Variants in SHROOM3 observed in about 807,000 individuals in gnomAD.
The protein encoded by SHROOM3 is protein Shroom3.
Under a neutral mutation model 138.6 loss-of-function variants are expected in SHROOM3, and 47 were observed. The observed-to-expected ratio is 0.34, with a 90% CI of 0.27 to 0.43. The LOEUF is 0.43. Among genes scored for constraint, SHROOM3 ranks in the 20% least tolerant of loss-of-function variants. SHROOM3 has a pLI of 1.00. For missense variants in SHROOM3, 2,491 were observed against 2,596.5 expected (o/e 0.96, Z 0.88); for synonymous variants, 1,062 against 1,063.3 (o/e 1.00, Z 0.02).
intron 1 of SHROOM3, among the ~76,000 whole-genome samples, chr4:76,526,567 A>C (rs1294172822): frequency 6.6e-6 from 1 of 152,154 alleles, no homozygotes; most frequent in African/African-American, 2.4e-5. Flanking sequence ...AAATAAAAGA[A>C]TGTGGAAGAG....
Position 76,754,344 on chromosome 4 carries a change from G to T in SHROOM3, c.3861G>T (p.Glu1287Asp), listed in dbSNP as rs778599588. ...SLSCSERGQE[E>D]MLPLFHHLTP... ...GTTGTTCAGAAAGAGGCCAAGAAGA[G>T]ATGCTGCCGCTCTTCCACCATCTCA... Residue 1287 changes from glutamate (E) to aspartate (D), a missense_variant, in exon 7 of 11, where the codon GAG becomes GAT. By Grantham distance (45) the Glu-to-Asp change is conservative. Around this residue, in one of 4 missense-constraint regions of SHROOM3, gnomAD observed 1,733 missense variants for 1,661.6 expected, o/e 1.04. Transcript: ENST00000296043. 6.2e-7 allele frequency: 1 copy of T among 1,614,152 alleles called. No homozygotes were observed. Among genetic ancestry groups the T allele is most frequent in the Non-Finnish European group, 8.5e-7 (1 of 1,180,032 alleles).
intron 1 of SHROOM3, among the ~76,000 whole-genome samples, chr4:76,511,097 G>A (rs763315574): frequency 5.9e-5 from 9 of 151,914 alleles, no homozygotes; most frequent in Non-Finnish European, 7.4e-5. Context: ...CAGGAGAATC[G>A]CTTGAACCTG....
intron 1 of SHROOM3, among the ~76,000 whole-genome samples, chr4:76,452,153 C>T (rs1433164439): frequency 2.6e-5 from 4 of 152,156 alleles, no homozygotes; most frequent in Admixed American, 2.6e-4. Context: ...AATAAGTTTA[C>T]TTCAGATATT....
intron 2 of SHROOM3, chr4:76,638,860 T>C (rs1457733634): frequency 1.3e-5 from 2 of 152,180 alleles, no homozygotes; most frequent in African/African-American, 4.8e-5. Context: ...GAATGAGTGC[T>C]ATGCGGATCA....
At position 76,669,688 on chromosome 4, in the gene SHROOM3, T is replaced by A. The variant is rs553565660; in HGVS notation, c.324-40468T>A. Among the ~76,000 whole-genome samples, 645 of 151,810 alleles carry A rather than the reference T, an allele frequency of 4.2e-3. 6 individuals are homozygous for A. Among genetic ancestry groups the A allele is most frequent in the African/African-American group, 0.014 (589 of 41,380 alleles). On this transcript the variant is annotated intron_variant, in intron 2 of 10. Transcript: ENST00000296043. ...TTTTGCTTAAAATTTAAAAAAAAAA[T>A]AATAATTGTTGTGCAAACCAAAACG...
At chr4:76,742,471 C>A (rs1038922630) in intron 5 of SHROOM3, among the ~76,000 whole-genome samples, 26 of 152,136 alleles carry the variant, frequency 1.7e-4, no homozygotes, top group Admixed American at 1.2e-3. Flanking sequence ...CATGATAATC[C>A]TGTGCAGCAG....
chr4:76,707,386 C>G (rs185541225), intron 2 of SHROOM3, among the ~76,000 whole-genome samples: 29 of 152,188 alleles, frequency 1.9e-4, no homozygotes, highest in Non-Finnish European at 4.0e-4. Context: ...GGACTTAAAC[C>G]CTCATTCATT....
chr4:76,456,048 G>A (rs968936615), intron 1 of SHROOM3, among the ~76,000 whole-genome samples: 1 of 152,006 alleles, frequency 6.6e-6, no homozygotes, highest in Non-Finnish European at 1.5e-5. Context: ...CACTCTGTCA[G>A]CAGGCTGGAG....
intron 1 of SHROOM3, among the ~76,000 whole-genome samples, chr4:76,453,535 G>A (rs969287867): frequency 8.6e-5 from 13 of 152,030 alleles, no homozygotes; most frequent in African/African-American, 2.7e-4. Context: ...CCAAAGTGCT[G>A]GGATGAGCCA....
intron 1 of SHROOM3, among the ~76,000 whole-genome samples, chr4:76,458,982 A>C (rs1225947424): frequency 6.6e-6 from 1 of 152,212 alleles, no homozygotes. Context: ...AAGAGCAGGA[A>C]TCTATTAACA....
chr4:76,547,098 C>T (rs1733237118), intron 1 of SHROOM3, among the ~76,000 whole-genome samples: 1 of 152,126 alleles, frequency 6.6e-6, no homozygotes, highest in Admixed American at 6.5e-5. Flanking sequence ...CTGTAAACCA[C>T]TATAATAGGT....
intron 1 of SHROOM3, among the ~76,000 whole-genome samples, chr4:76,526,117 C>A (rs1272757658): frequency 6.6e-6 from 1 of 152,186 alleles, no homozygotes; most frequent in Non-Finnish European, 1.5e-5. Flanking sequence ...CCTGTAATCC[C>A]AGCGTTTTGG....
chr4:76,737,554 TGA>T (rs1461507192), intron 4 of SHROOM3, among the ~76,000 whole-genome samples: 2 of 152,234 alleles, frequency 1.3e-5, no homozygotes, highest in Admixed American at 1.3e-4. Flanking sequence ...CTGCAATGAA[TGA>T]GAGTTTCTCT....
intron 2 of SHROOM3, among the ~76,000 whole-genome samples, chr4:76,697,718 T>C (rs563185547): frequency 6.6e-6 from 1 of 152,220 alleles, no homozygotes. Flanking sequence ...ATACTTTGCA[T>C]GTTGTACAGC....
At chr4:76,690,492 CG>C (rs1195112468) in intron 2 of SHROOM3, among the ~76,000 whole-genome samples, 5 of 152,164 alleles carry the variant, frequency 3.3e-5, no homozygotes, top group South Asian at 2.1e-4. Context: ...GCTGTGATAT[CG>C]GGGGGTGCAA....
intron 2 of SHROOM3, among the ~76,000 whole-genome samples, chr4:76,565,262 CT>C (rs1410828308): frequency 1.3e-5 from 2 of 150,802 alleles, no homozygotes; most frequent in Non-Finnish European, 2.9e-5. Context: ...ATGGTGGAAT[CT>C]TTCCCCCCAG....
Position 76,494,159 on chromosome 4 carries a change from A to ATT in SHROOM3, c.168+57952_168+57953dup, listed in dbSNP as rs5859517. Among the ~76,000 whole-genome samples, 543 of 144,008 alleles carry ATT rather than the reference A, an allele frequency of 3.8e-3. 4 individuals carry two copies. Among genetic ancestry groups the ATT allele is most frequent in the Middle Eastern group, 0.011 (3 of 280 alleles). The allele number at this position is 144,008 out of a possible 152,430, so 94.5% of individuals were successfully genotyped here. A position where few individuals can be genotyped will look rare whatever the true frequency, so the allele number is the denominator to read the frequency against. ...ATCTGCTGGTGTGTGCCCCAGATTG[A>ATT]TTTTTTTTTTTTTTGCCCTCTGTGG... On this transcript the variant is annotated intron_variant, in intron 1 of 10. Transcript: ENST00000296043.
Position 76,510,247 on chromosome 4 carries a change from T to C in SHROOM3, c.169-45362T>C, listed in dbSNP as rs551279329. Among the ~76,000 whole-genome samples, 3 of 152,336 alleles carry C rather than the reference T, an allele frequency of 2.0e-5. No homozygotes were observed. In the South Asian group the frequency reaches 6.2e-4, roughly 32 times the overall value. On this transcript the variant is annotated intron_variant, in intron 1 of 10. Transcript: ENST00000296043. ...CAATTTCAATGTGCCATAAAAATAT[T>C]TATCTATGCATTAAAAAAGGCTGAA...
chr4:76,697,984 G>A (rs985355592), intron 2 of SHROOM3, among the ~76,000 whole-genome samples: 2 of 152,122 alleles, frequency 1.3e-5, no homozygotes, highest in Non-Finnish European at 2.9e-5. Context: ...TCAGCCCATG[G>A]AACTATAGTC....
Sources: gnomAD v4.1 joint callset for allele counts (sites outside exome capture counted in the v4.1 genomes callset) on GRCh38, gnomAD v4.1.1 for gene constraint, gnomAD v4.1.1 regional missense constraint, MANE v1.5 for transcripts, NCBI Gene and HGNC (gene_info 2026-07-23, HGNC 2026-07-21) for gene names.